Variants in ZFYVE1 observed in about 807,000 individuals in gnomAD.
ZFYVE1 encodes zinc finger FYVE domain-containing protein 1.
In ZFYVE1, 30 loss-of-function variants were observed where a neutral mutation model predicts 74.4. The ratio of observed to expected loss-of-function variants is 0.40; its 90% CI spans 0.30 to 0.55. ZFYVE1 has a LOEUF of 0.55. ZFYVE1 is among the 20% of genes least tolerant of loss of function. ZFYVE1 has a pLI of 0.42. For missense variants in ZFYVE1, 703 were observed against 1,011.6 expected (o/e 0.69, Z 4.14); for synonymous variants, 335 against 385.1 (o/e 0.87, Z 1.52).
intron 4 of ZFYVE1, among the ~76,000 whole-genome samples, chr14:72,990,611 G>T (rs1182618297): frequency 6.7e-6 from 1 of 149,848 alleles, no homozygotes; most frequent in African/African-American, 2.5e-5. Context: ...GGTCAGGCTG[G>T]TCTCGAACTC....
Position 72,974,701 on chromosome 14 carries a change from G to A in ZFYVE1, c.1987+78C>T, listed in dbSNP as rs117850671. The A allele has an allele frequency of 5.4e-3, 8,188 of 1,505,494 alleles. 33 individuals carry two copies. The highest frequency in any genetic ancestry group is 6.2e-3 in the Non-Finnish European group (6,947 of 1,115,880). The allele number at this position is 1,505,494 out of a possible 1,614,324, so 93.3% of individuals were successfully genotyped here. A position where few individuals can be genotyped will look rare whatever the true frequency, so the allele number is the denominator to read the frequency against. ...AGGGAGATGTGGATTAGGGCATCTGGATATCCAGTTCTTAGCACCCAGGGC... is the reference window on the plus strand; with the variant it reads ...AGGGAGATGTGGATTAGGGCATCTGAATATCCAGTTCTTAGCACCCAGGGC... On this transcript the variant is annotated intron_variant, in intron 10 of 11. Coordinates refer to ENST00000556143, the MANE Select transcript of ZFYVE1 (RefSeq NM_021260.4).
chr14:72,984,167 A>C (rs1280041623), intron 4 of ZFYVE1, among the ~76,000 whole-genome samples: 1 of 151,600 alleles, frequency 6.6e-6, no homozygotes, highest in Non-Finnish European at 1.5e-5. Context: ...CCTGGACTTC[A>C]AACAACAAAA....
chr14:72,990,601 G>T lies in ZFYVE1; in HGVS notation c.1203+2542C>A, dbSNP rs548971492. Reference sequence around the variant, plus strand: ...AGTAGAGACGTGGTTGCTCCATGTTGGTCAGGCTGGTCTCGAACTCCCAAC... The same window carrying T: ...AGTAGAGACGTGGTTGCTCCATGTTTGTCAGGCTGGTCTCGAACTCCCAAC... On this transcript the variant is annotated intron_variant, in intron 4 of 11. Coordinates refer to ENST00000556143, the MANE Select transcript of ZFYVE1 (RefSeq NM_021260.4). Among the ~76,000 whole-genome samples the T allele has an allele frequency of 1.6e-4, 24 of 150,930 alleles. No homozygotes were observed. The South Asian group carries it at 1.9e-3, about 12-fold the overall frequency.
At chr14:73,026,858 A>T in intron 1 of ZFYVE1, 68 bp downstream of exon 1, 1 of 145,536 alleles carries the variant, frequency 6.9e-6, no homozygotes. Context: ...CCCCAGGACG[A>T]TCACTCGCCC....
intron 2 of ZFYVE1, among the ~76,000 whole-genome samples, chr14:73,011,787 G>A (rs1232788956): frequency 6.6e-6 from 1 of 150,464 alleles, no homozygotes; most frequent in Non-Finnish European, 1.5e-5. Context: ...CTCCCAAAGT[G>A]CTGGGATTAC....
At chr14:73,009,870 G>A (rs1226753221) in intron 2 of ZFYVE1, among the ~76,000 whole-genome samples, 1 of 152,188 alleles carries the variant, frequency 6.6e-6, no homozygotes, top group African/African-American at 2.4e-5. Flanking sequence ...CAGTTCGGGA[G>A]GCTGAGACCG....
chr14:72,992,515 T>G (rs1384402474), intron 4 of ZFYVE1, among the ~76,000 whole-genome samples: 1 of 152,076 alleles, frequency 6.6e-6, no homozygotes. Context: ...TACAGAGTAC[T>G]CTGAACTTTG....
At chr14:73,006,123 G>A (rs149899859) in intron 2 of ZFYVE1, among the ~76,000 whole-genome samples, 6,071 of 151,876 alleles carry the variant, frequency 0.04, 215 homozygotes, top group East Asian at 0.19. Context: ...GTTTCACCGT[G>A]TTAGCCAGGA....
At chr14:73,004,134 C>T (rs1047521732) in intron 2 of ZFYVE1, among the ~76,000 whole-genome samples, 4 of 152,268 alleles carry the variant, frequency 2.6e-5, no homozygotes, top group African/African-American at 9.6e-5. Flanking sequence ...ACCCGTGTCA[C>T]TCAGCCAGCC....
chr14:73,005,653 T>A (rs559361538), intron 2 of ZFYVE1, among the ~76,000 whole-genome samples: 1 of 152,020 alleles, frequency 6.6e-6, no homozygotes, highest in African/African-American at 2.4e-5. Flanking sequence ...GTCCAGCTCC[T>A]AGCGACACTC....
At chr14:72,971,145 A>G in intron 11 of ZFYVE1, 31 bp from the exon 12 acceptor site, 1 of 1,611,952 alleles carries the variant, frequency 6.2e-7, no homozygotes, top group Non-Finnish European at 8.5e-7. Flanking sequence ...CAGGGCACCC[A>G]AAGCCCAATA....
In ZFYVE1 at chr14:72,993,317, C is replaced by G; in HGVS notation, c.1029G>C (p.Arg343=). ...SEVPEKLIQD[R]FRKLGRFPEA... ...CAGGGAAACGGCCCAGCTTCCGGAA[C>G]CGGTCCTGGATGAGCTTCTCTGGCA... is the stretch of plus-strand genomic sequence containing the variant. Residue 343 remains arginine, a synonymous_variant, in exon 4 of 12, where the codon CGG becomes CGC. Coordinates refer to ENST00000556143, the MANE Select transcript of ZFYVE1 (RefSeq NM_021260.4). 1 of 1,613,300 alleles carries G rather than the reference C, an allele frequency of 6.2e-7. No individual in the cohort carries two copies. Among genetic ancestry groups the G allele is most frequent in the East Asian group, 2.2e-5 (1 of 44,802 alleles).
In ZFYVE1 at chr14:72,993,353, A is replaced by G. The variant is rs769471913; in HGVS notation, c.993T>C (p.His331=). The change falls in exon 4 of 12, where the codon CAT becomes CAC. Residue 331 remains histidine (H), a synonymous_variant. Coordinates refer to ENST00000556143, the MANE Select transcript of ZFYVE1 (RefSeq NM_021260.4). ...TVHTQLLGSD[H]PSEVPEKLIQ... ...TGAGCTTCTCTGGCACCTCTGAGGG[A>G]TGATCTATACAAGCAGAAACACAGG... 1 of 1,611,338 alleles carries G rather than the reference A, an allele frequency of 6.2e-7. No homozygotes were observed. Among genetic ancestry groups the G allele is most frequent in the Admixed American group, 1.7e-5 (1 of 59,626 alleles).
intron 3 of ZFYVE1, among the ~76,000 whole-genome samples, chr14:72,996,154 A>G (rs9888617): frequency 0.31 from 47,789 of 151,940 alleles, 7,825 homozygotes; most frequent in Middle Eastern, 0.4. Context: ...GGAGAATGAA[A>G]AGGGGTAACT....
intron 2 of ZFYVE1, among the ~76,000 whole-genome samples, chr14:73,022,727 A>G (rs1286871147): frequency 1.3e-5 from 2 of 152,200 alleles, no homozygotes; most frequent in African/African-American, 2.4e-5. Context: ...ATTCAAAAGT[A>G]TAAACATTAT....
rs1342865791 is a variant in ZFYVE1 at position 72,974,177 on chromosome 14, T to C, written c.2004A>G (p.Gln668=). ...RNVQLAVTEA[Q]VDDEGGTLIA... is the part of the protein sequence containing the mutation. The stretch of plus-strand genomic sequence containing the variant: ...TGAGCGTTCCACCTTCATCGTCCAC[T>C]TGTGCCTCGGTAACAGCTGTAGACA... The change falls in exon 11 of 12, where the codon CAA becomes CAG. Residue 668 remains glutamine, a synonymous_variant. Transcript: ENST00000556143. The C allele has an allele frequency of 1.2e-6, 2 of 1,614,108 alleles. No individual in the cohort carries two copies. The highest frequency in any genetic ancestry group is 8.5e-7 in the Non-Finnish European group (1 of 1,179,970).
At chr14:72,986,249 G>A (rs1893476470) in intron 4 of ZFYVE1, among the ~76,000 whole-genome samples, 1 of 152,120 alleles carries the variant, frequency 6.6e-6, no homozygotes, top group Non-Finnish European at 1.5e-5. Flanking sequence ...CTAGACAAAT[G>A]AACTGTTGGC....
At chr14:73,015,357 G>A (rs147055721) in intron 2 of ZFYVE1, among the ~76,000 whole-genome samples, 5,653 of 78,458 alleles carry the variant, frequency 0.072, 419 homozygotes, top group South Asian at 0.21. Context: ...GGGAAGGAAG[G>A]GGGAAAGGAA....
At chr14:73,005,519 A>G (rs1893959706) in intron 2 of ZFYVE1, among the ~76,000 whole-genome samples, 1 of 152,150 alleles carries the variant, frequency 6.6e-6, no homozygotes, top group Non-Finnish European at 1.5e-5. Context: ...ATCTTCCCCA[A>G]GCTTGCTAGG....
Sources: gnomAD v4.1 joint callset for allele counts (sites outside exome capture counted in the v4.1 genomes callset) on GRCh38, gnomAD v4.1.1 for gene constraint, MANE v1.5 for transcripts, NCBI Gene and HGNC (gene_info 2026-07-23, HGNC 2026-07-21) for gene names.